PRKCE: variants seen among roughly 807,000 people sequenced by gnomAD.
PRKCE encodes protein kinase C epsilon.
Under a neutral mutation model 85.4 loss-of-function variants are expected in PRKCE, and 16 were observed. That is an observed-to-expected ratio of 0.19 (90% CI 0.13 to 0.28). PRKCE has a LOEUF of 0.28. Ranked by LOEUF, PRKCE falls within the 10% of genes least tolerant of loss-of-function variation. The pLI, the probability that PRKCE is intolerant of heterozygous loss-of-function variation, is 1.00. For synonymous variants in PRKCE, 388 were observed against 371.5 expected, an observed-to-expected ratio of 1.04 and a Z score of -0.51; for missense variants, 573 against 975.2, an observed-to-expected ratio of 0.59 and a Z score of 5.49.
At chr2:45,759,394 C>G (rs1055012202) in intron 1 of PRKCE, among the ~76,000 whole-genome samples, 3 of 152,278 alleles carry the variant, frequency 2.0e-5, no homozygotes, top group African/African-American at 7.2e-5. Flanking sequence ...CCAGATGGCT[C>G]CGATTTATCC....
In PRKCE at chr2:46,001,471, A is replaced by C; in HGVS notation, c.891A>C (p.Arg297Ser). ...NVAPNCGVDA[R>S]GIAKVLADLG... ...CTCCCAACTGTGGAGTGGATGCCAGAGGAATCGCCAAAGTACTGGCCGACC... is the reference window on the plus strand; with the variant it reads ...CTCCCAACTGTGGAGTGGATGCCAGCGGAATCGCCAAAGTACTGGCCGACC... Residue 297 changes from arginine (R) to serine (S), a missense_variant, in exon 7 of 15, where the codon AGA (arginine) becomes AGC (serine). Arg to Ser is a moderately radical substitution (Grantham distance 110). Around this residue, in one of 11 missense-constraint regions of PRKCE, gnomAD observed 55 missense variants for 128.1 expected, o/e 0.43. Transcript: ENST00000306156. This position sits in a 1 kb window ranked among gnomAD's most constrained non-coding sequence, Gnocchi z 4.4. 6.3e-7 allele frequency: 1 copy of C among 1,599,568 alleles called. No homozygotes were observed. Among genetic ancestry groups the C allele is most frequent in the Non-Finnish European group, 8.5e-7 (1 of 1,179,860 alleles).
At chr2:45,750,628 T>C (rs564816799) in intron 1 of PRKCE, among the ~76,000 whole-genome samples, 3 of 152,376 alleles carry the variant, frequency 2.0e-5, no homozygotes, top group Non-Finnish European at 2.9e-5. Context: ...TCCTTGTTTT[T>C]GAACTTGGGC....
chr2:46,117,714 A>G (rs1057378416), intron 11 of PRKCE, among the ~76,000 whole-genome samples: 4 of 152,236 alleles, frequency 2.6e-5, no homozygotes, highest in African/African-American at 4.8e-5. Context: ...ATTACTGTGA[A>G]TATTAAATGA....
intron 1 of PRKCE, among the ~76,000 whole-genome samples, chr2:45,805,257 T>C (rs867823171): frequency 3.3e-5 from 5 of 152,312 alleles, no homozygotes; most frequent in African/African-American, 7.2e-5. Flanking sequence ...CAAGATTGTA[T>C]AGCTGGACTC....
chr2:45,983,063 G>A (rs1386327282), intron 5 of PRKCE, among the ~76,000 whole-genome samples: 1 of 152,216 alleles, frequency 6.6e-6, no homozygotes, highest in Admixed American at 6.5e-5. Flanking sequence ...ACCTAAGCTA[G>A]GCATCTAAGA....
intron 1 of PRKCE, among the ~76,000 whole-genome samples, chr2:45,809,728 A>C (rs1341917337): frequency 6.6e-6 from 1 of 151,682 alleles, no homozygotes; most frequent in Non-Finnish European, 1.5e-5. Context: ...AAAAAAAAAA[A>C]AATTAGCCAG....
At chr2:45,718,492 G>A (rs7598329) in intron 1 of PRKCE, among the ~76,000 whole-genome samples, 110,984 of 151,666 alleles carry the variant, frequency 0.73, 41,080 homozygotes, top group African/African-American at 0.83. Flanking sequence ...TGACAGGCAC[G>A]CACCACTACA....
chr2:45,854,571 T>C (rs1289519257), intron 2 of PRKCE, among the ~76,000 whole-genome samples: 1 of 152,162 alleles, frequency 6.6e-6, no homozygotes, highest in Admixed American at 6.5e-5. Context: ...AAACAAATCG[T>C]TGGGTATTTC....
chr2:46,157,015 C>T (rs1435791442), intron 13 of PRKCE, among the ~76,000 whole-genome samples: 1 of 152,202 alleles, frequency 6.6e-6, no homozygotes, highest in Non-Finnish European at 1.5e-5. Context: ...TCTCATTTTC[C>T]TGTCGATGGT....
chr2:45,741,054 G>T (rs1161823398), intron 1 of PRKCE, among the ~76,000 whole-genome samples: 1 of 152,128 alleles, frequency 6.6e-6, no homozygotes, highest in South Asian at 2.1e-4. Context: ...AAATTAAAAA[G>T]GTTGCTCACC....
chr2:46,128,984 C>T (rs1674140769), intron 11 of PRKCE, among the ~76,000 whole-genome samples: 1 of 152,160 alleles, frequency 6.6e-6, no homozygotes, highest in Non-Finnish European at 1.5e-5. Context: ...GGACCTCCTC[C>T]ACCACCTAGC....
At chr2:46,121,164 A>G (rs968488520) in intron 11 of PRKCE, among the ~76,000 whole-genome samples, 1 of 152,226 alleles carries the variant, frequency 6.6e-6, no homozygotes, top group Non-Finnish European at 1.5e-5. Flanking sequence ...AGCTCCATCT[A>G]ACCAGAGTAT....
intron 10 of PRKCE, among the ~76,000 whole-genome samples, chr2:46,037,110 C>A (rs1707912991): frequency 6.6e-6 from 1 of 152,204 alleles, no homozygotes; most frequent in African/African-American, 2.4e-5. Context: ...TGTACCCATT[C>A]CAGTGATGAC....
chr2:45,716,303 G>T (rs977526526), intron 1 of PRKCE, among the ~76,000 whole-genome samples: 1 of 152,184 alleles, frequency 6.6e-6, no homozygotes, highest in Non-Finnish European at 1.5e-5. Context: ...GATCACTTGA[G>T]GTCAGGAGTT....
At chr2:45,751,352 C>T (rs906887305) in intron 1 of PRKCE, among the ~76,000 whole-genome samples, 2 of 152,252 alleles carry the variant, frequency 1.3e-5, no homozygotes, top group South Asian at 2.1e-4. Context: ...AATATGTTAT[C>T]ACATCATTAT....
At chr2:46,112,504 TTTG>T (rs1672368999) in intron 11 of PRKCE, among the ~76,000 whole-genome samples, 2 of 37,052 alleles carry the variant, frequency 5.4e-5, no homozygotes, top group East Asian at 1.3e-3. Flanking sequence ...TTTTTTTTTG[TTTG>T]TTTGTTTGTT....
chr2:45,771,449 C>A (rs1573288775), intron 1 of PRKCE, among the ~76,000 whole-genome samples: 1 of 152,130 alleles, frequency 6.6e-6, no homozygotes, highest in Non-Finnish European at 1.5e-5. Context: ...GATGGAGAAC[C>A]TGTCGGCCGG....
At chr2:45,824,268 G>A (rs1028634228) in intron 1 of PRKCE, among the ~76,000 whole-genome samples, 1 of 152,230 alleles carries the variant, frequency 6.6e-6, no homozygotes, top group Admixed American at 6.5e-5. Context: ...GACAGCCTTT[G>A]AAGTCAGGGC....
intron 2 of PRKCE, among the ~76,000 whole-genome samples, chr2:45,910,640 T>C (rs977944579): frequency 6.6e-6 from 1 of 152,210 alleles, no homozygotes; most frequent in Non-Finnish European, 1.5e-5. Flanking sequence ...TGTTATCTGT[T>C]GGATAGCCCA....
Sources: allele counts gnomAD v4.1 joint callset (sites outside exome capture counted in the v4.1 genomes callset), GRCh38; gene constraint gnomAD v4.1.1; regional missense constraint gnomAD v4.1.1; non-coding constraint Gnocchi (gnomAD v3.1); transcripts MANE v1.5; gene names NCBI Gene and HGNC (gene_info 2026-07-23, HGNC 2026-07-21).